The following CDKAL1 variants were observed in gnomAD, a reference collection of about 807,000 sequenced individuals.
The protein encoded by CDKAL1 is threonylcarbamoyladenosine tRNA methylthiotransferase.
A neutral mutation model predicts 68.2 loss-of-function variants in CDKAL1; 32 were observed. The observed-to-expected ratio is 0.47, with a 90% confidence interval of 0.35 to 0.63. The LOEUF (loss-of-function observed/expected upper bound fraction) is 0.63. Ranked by LOEUF, CDKAL1 falls within the 30% of genes least tolerant of loss-of-function variation. The pLI, the probability that CDKAL1 is intolerant of heterozygous loss-of-function variation, is 0.00. For missense variants in CDKAL1, 606 were observed against 696.7 expected (o/e 0.87, Z 1.47); for synonymous variants, 234 against 244.3 (o/e 0.96, Z 0.39).
At chr6:20,962,002 C>G (rs547498042) in intron 10 of CDKAL1, among the ~76,000 whole-genome samples, 6 of 152,162 alleles carry the variant, frequency 3.9e-5, no homozygotes, top group Admixed American at 2.0e-4. Flanking sequence ...AAGAGACTTG[C>G]GTGTCTCAAA....
At position 20,919,626 on chromosome 6, in the gene CDKAL1, T is replaced by C. The variant is rs374408025; in HGVS notation, c.743-35793T>C. On this transcript the variant is annotated intron_variant, in intron 9 of 15. Coordinates refer to ENST00000274695, the MANE Select transcript of CDKAL1 (RefSeq NM_017774.3). ...GAATGATGGTTTCCAGCTTCATCCA[T>C]GTCCCTGCAAAGGACATGAACTCAT... Among the ~76,000 whole-genome samples the C allele has an allele frequency of 1.6e-3, 240 of 152,338 alleles. 8 individuals carry two copies. In the South Asian group the frequency reaches 0.047, roughly 30 times the overall value.
rs556380036 is a variant in CDKAL1, at chr6:20,821,225, G to A, written c.639-24850G>A. 4.6e-5 allele frequency among the ~76,000 whole-genome samples: 7 copies of A among 152,238 alleles called. No individual in the cohort carries two copies. The South Asian group carries it at 1.5e-3, about 32-fold the overall frequency. Reference sequence around the variant, plus strand: ...AGCAGGGGATTGGCATGACCTGATGGAGTTTTCAGTCTTGTGTGGCTGCTG... The same window carrying A: ...AGCAGGGGATTGGCATGACCTGATGAAGTTTTCAGTCTTGTGTGGCTGCTG... On this transcript the variant is annotated intron_variant, in intron 8 of 15. Transcript: ENST00000274695.
chr6:20,783,261 C>T lies in CDKAL1; in HGVS notation c.638+1996C>T, dbSNP rs188959792. Among the ~76,000 whole-genome samples the T allele has an allele frequency of 3.2e-3, 491 of 152,162 alleles. 3 individuals are homozygous for T. Among genetic ancestry groups the T allele is most frequent in the African/African-American group, 0.01 (425 of 41,510 alleles). On this transcript the variant is annotated intron_variant, in intron 8 of 15. Coordinates refer to ENST00000274695, the MANE Select transcript of CDKAL1 (RefSeq NM_017774.3). ...TGCCGGTTTTGTGTGTGTGTTTATGCGGGGCTTTTGGCTAGACACATGCCT... is the reference window on the plus strand; with the variant it reads ...TGCCGGTTTTGTGTGTGTGTTTATGTGGGGCTTTTGGCTAGACACATGCCT...
intron 4 of CDKAL1, among the ~76,000 whole-genome samples, chr6:20,569,053 A>G (rs1476724308): frequency 6.6e-6 from 1 of 152,218 alleles, no homozygotes; most frequent in African/African-American, 2.4e-5. Flanking sequence ...ATTTATATCA[A>G]TATCCATGCC....
intron 9 of CDKAL1, among the ~76,000 whole-genome samples, chr6:20,946,000 A>G (rs2150707450): frequency 6.6e-6 from 1 of 152,318 alleles, no homozygotes; most frequent in African/African-American, 2.4e-5. Context: ...TTGAAACTGC[A>G]TTCAGTTTTC....
intron 13 of CDKAL1, among the ~76,000 whole-genome samples, chr6:21,192,123 G>A (rs372141305): frequency 3.0e-5 from 4 of 132,502 alleles, no homozygotes; most frequent in African/African-American, 8.5e-5. Flanking sequence ...CCGGGTTCAC[G>A]CCATTCTCCT....
intron 5 of CDKAL1, among the ~76,000 whole-genome samples, chr6:20,715,806 T>C (rs1772064481): frequency 6.6e-6 from 1 of 152,262 alleles, no homozygotes; most frequent in East Asian, 1.9e-4. Flanking sequence ...CAGTATTTCC[T>C]GACTTTTCTC....
At chr6:20,609,246 TCTTCTTCCTCCTTC>T (rs1561962802) in intron 4 of CDKAL1, among the ~76,000 whole-genome samples, 1 of 119,326 alleles carries the variant, frequency 8.4e-6, no homozygotes, top group African/African-American at 3.6e-5. Flanking sequence ...CTTCCTTCCT[TCTTCTTCCTCCTTC>T]CTTCCTCCTC....
chr6:20,940,086 T>TG (rs1293793497), intron 9 of CDKAL1, among the ~76,000 whole-genome samples: 46 of 152,176 alleles, frequency 3.0e-4, no homozygotes, highest in Admixed American at 3.0e-3. Context: ...AAAATGTGTA[T>TG]GTCCAAGATA....
intron 9 of CDKAL1, among the ~76,000 whole-genome samples, chr6:20,898,480 T>C (rs1362258371): frequency 1.3e-5 from 2 of 150,526 alleles, no homozygotes; most frequent in Non-Finnish European, 2.9e-5. Context: ...GGCCTCCTGC[T>C]TAGGCTTTCC....
intron 12 of CDKAL1, among the ~76,000 whole-genome samples, chr6:21,089,710 C>T (rs1161828071): frequency 1.3e-5 from 2 of 152,172 alleles, no homozygotes; most frequent in Admixed American, 6.5e-5. Context: ...CAAAAAGGAA[C>T]ACCTTACAGC....
chr6:20,786,177 A>T (rs1026676310), intron 8 of CDKAL1, among the ~76,000 whole-genome samples: 1 of 152,166 alleles, frequency 6.6e-6, no homozygotes, highest in East Asian at 1.9e-4. Flanking sequence ...GTGAGCTGAG[A>T]TCACACCACT....
chr6:21,069,804 T>TTTTTTTTAA (rs60342057), intron 12 of CDKAL1, among the ~76,000 whole-genome samples: 1 of 85,476 alleles, frequency 1.2e-5, no homozygotes, highest in African/African-American at 4.1e-5. Flanking sequence ...TTTTTTTTTT[T>TTTTTTTTAA]AAAACAGAGC....
At chr6:21,056,454 T>C (rs1770839967) in intron 11 of CDKAL1, among the ~76,000 whole-genome samples, 1 of 152,192 alleles carries the variant, frequency 6.6e-6, no homozygotes, top group Admixed American at 6.5e-5. Flanking sequence ...AGATATGTGA[T>C]CATATCATCT....
At chr6:21,091,857 C>CTTTTTTTTTTTTTTT (rs70990099) in intron 12 of CDKAL1, among the ~76,000 whole-genome samples, 2 of 70,538 alleles carry the variant, frequency 2.8e-5, no homozygotes, top group Non-Finnish European at 5.2e-5. Flanking sequence ...TCAGAACTTT[C>CTTTTTTTTTTTTTTT]TTTTTTTTTT....
chr6:20,839,696 A>T (rs570837429), intron 8 of CDKAL1, among the ~76,000 whole-genome samples: 2 of 152,204 alleles, frequency 1.3e-5, no homozygotes, highest in East Asian at 3.9e-4. Context: ...CCTCTAAGAC[A>T]AGATTGTTGA....
At chr6:21,128,280 C>G (rs934489959) in intron 13 of CDKAL1, among the ~76,000 whole-genome samples, 2 of 152,162 alleles carry the variant, frequency 1.3e-5, no homozygotes, top group Non-Finnish European at 2.9e-5. Context: ...GTGTTCTGAG[C>G]ATGTTTAAGG....
chr6:20,902,766 A>C (rs1762062996), intron 9 of CDKAL1, among the ~76,000 whole-genome samples: 1 of 152,140 alleles, frequency 6.6e-6, no homozygotes, highest in South Asian at 2.1e-4. Context: ...GAAAAGCGGG[A>C]GCTTTCCAAA....
intron 9 of CDKAL1, among the ~76,000 whole-genome samples, chr6:20,879,496 A>G (rs1475533716): frequency 6.6e-6 from 1 of 152,164 alleles, no homozygotes; most frequent in Non-Finnish European, 1.5e-5. Context: ...GATTATCATT[A>G]TTTCCACTTT....
Sources: gnomAD v4.1 joint callset for allele counts (sites outside exome capture counted in the v4.1 genomes callset) on GRCh38, gnomAD v4.1.1 for gene constraint, MANE v1.5 for transcripts, NCBI Gene and HGNC (gene_info 2026-07-23, HGNC 2026-07-21) for gene names.